Variants in COPG2 observed in about 807,000 individuals in gnomAD.
COPG2 encodes coat protein complex I subunit gamma 2, also known as coatomer subunit gamma-2.
COPG2 carries 37 observed loss-of-function variants against 46.3 expected under a neutral mutation model. That is an observed-to-expected ratio of 0.80 (90% confidence interval 0.61 to 1.05). COPG2 has a LOEUF of 1.05. Among genes scored for constraint, COPG2 ranks in the 50% least tolerant of loss-of-function variants. COPG2 has a pLI of 0.00. For missense variants in COPG2, 427 were observed against 387.8 expected (o/e 1.10, Z -0.85); for synonymous variants, 159 against 129.7 (o/e 1.23, Z -1.53).
intron 9 of COPG2, among the ~76,000 whole-genome samples, chr7:130,591,841 C>G (rs1317073390): frequency 6.6e-6 from 1 of 151,794 alleles, no homozygotes; most frequent in Non-Finnish European, 1.5e-5. Flanking sequence ...CTCTGTCCGG[C>G]CACCCCTACT....
intron 3 of COPG2, among the ~76,000 whole-genome samples, chr7:130,663,907 T>C (rs1796026808): frequency 6.6e-6 from 1 of 151,800 alleles, no homozygotes. Flanking sequence ...CCCAACTAAT[T>C]TTTTGTTATC....
intron 20 of COPG2, among the ~76,000 whole-genome samples, chr7:130,538,854 T>C (rs1799909492): frequency 6.6e-6 from 1 of 152,042 alleles, no homozygotes; most frequent in African/African-American, 2.4e-5. Context: ...ACTGAAAATA[T>C]GCACTACACC....
chr7:130,571,034 T>C (rs1793887738), intron 9 of COPG2, among the ~76,000 whole-genome samples: 1 of 152,200 alleles, frequency 6.6e-6, no homozygotes, highest in African/African-American at 2.4e-5. Flanking sequence ...TCTCTCACCT[T>C]ATATAAAAAT....
At chr7:130,663,762 G>A (rs1483966801) in intron 3 of COPG2, among the ~76,000 whole-genome samples, 22 of 131,720 alleles carry the variant, frequency 1.7e-4, no homozygotes, top group African/African-American at 4.2e-4. Flanking sequence ...TTTTTGAGAC[G>A]GAGTCTCACC....
chr7:130,591,646 G>A (rs1295420658), intron 9 of COPG2, among the ~76,000 whole-genome samples: 1 of 147,480 alleles, frequency 6.8e-6, no homozygotes, highest in Non-Finnish European at 1.5e-5. Context: ...TCCGGTTGGT[G>A]AGGGGCGCCT....
chr7:130,626,400 ATT>A (rs60484682), intron 5 of COPG2, among the ~76,000 whole-genome samples: 46,672 of 120,288 alleles, frequency 0.39, 8,800 homozygotes, highest in East Asian at 0.54. Context: ...CACCAGGCTA[ATT>A]TTTTTTTTTT....
At chr7:130,668,319 G>A (rs1198446883) in intron 1 of COPG2, among the ~76,000 whole-genome samples, 1 of 151,380 alleles carries the variant, frequency 6.6e-6, no homozygotes, top group Non-Finnish European at 1.5e-5. Context: ...GCACGCCCTC[G>A]GCCCCCGCCG....
chr7:130,597,085 A>C (rs1554449791), intron 9 of COPG2, among the ~76,000 whole-genome samples: 1 of 152,158 alleles, frequency 6.6e-6, no homozygotes, highest in East Asian at 1.9e-4. Context: ...ACAGCCCTTT[A>C]GGGGAACCAA....
intron 20 of COPG2, among the ~76,000 whole-genome samples, chr7:130,528,044 A>C (rs1799790313): frequency 1.3e-5 from 2 of 152,094 alleles, no homozygotes; most frequent in Admixed American, 6.5e-5. Context: ...GTGGAAGAAG[A>C]GCGTCTTGAA....
intron 9 of COPG2, among the ~76,000 whole-genome samples, chr7:130,607,240 CATAAATAA>C (rs5887469): frequency 0.2 from 28,662 of 145,804 alleles, 2,902 homozygotes; most frequent in Middle Eastern, 0.25. Flanking sequence ...GAGAGACTGT[CATAAATAA>C]ATAAATAAAT....
chr7:130,604,605 C>T, intron 9 of COPG2: 1 of 365,636 alleles, frequency 2.7e-6, no homozygotes, highest in South Asian at 2.4e-5. Flanking sequence ...ATATATATAG[C>T]CATATTATCT....
intron 20 of COPG2, among the ~76,000 whole-genome samples, chr7:130,530,594 G>T (rs1799814542): frequency 6.6e-6 from 1 of 152,224 alleles, no homozygotes; most frequent in African/African-American, 2.4e-5. Context: ...TGAGCCCGAT[G>T]AAGCAATAGG....
At chr7:130,587,236 G>A (rs782705783) in intron 9 of COPG2, among the ~76,000 whole-genome samples, 10 of 152,000 alleles carry the variant, frequency 6.6e-5, no homozygotes, top group Admixed American at 3.3e-4. Context: ...GAACACAGAA[G>A]GTGGACGCTA....
At chr7:130,652,140 T>G (rs1554459222) in intron 5 of COPG2, among the ~76,000 whole-genome samples, 1 of 152,256 alleles carries the variant, frequency 6.6e-6, no homozygotes, top group African/African-American at 2.4e-5. Context: ...TGTTTGTCCT[T>G]TTTTCTACTG....
chr7:130,514,294 T>C (rs1416370950), intron 20 of COPG2, among the ~76,000 whole-genome samples: 2 of 152,152 alleles, frequency 1.3e-5, no homozygotes, highest in African/African-American at 2.4e-5. Context: ...ATGACTAATA[T>C]TGGAAGAGGA....
intron 9 of COPG2, among the ~76,000 whole-genome samples, chr7:130,565,776 G>C (rs1299364940): frequency 6.6e-6 from 1 of 151,814 alleles, no homozygotes; most frequent in African/African-American, 2.4e-5. Context: ...AGAAATTCTA[G>C]ATTTGCAAAG....
intron 1 of COPG2, 95 bp downstream of exon 1, chr7:130,668,537 A>G: frequency 4.2e-6 from 5 of 1,182,990 alleles, no homozygotes; most frequent in Non-Finnish European, 5.6e-6. Context: ...GGCGGCGCCC[A>G]CGCCCCCAGC....
rs1027246895 is a variant in COPG2, at chr7:130,506,790, G to T, written c.2502C>A (p.Gly834=). 1.3e-6 allele frequency: 1 copy of T among 779,326 alleles called. No homozygotes were observed. Among genetic ancestry groups the T allele is most frequent in the Non-Finnish European group, 2.4e-6 (1 of 417,310 alleles). The allele number at this position is 779,326 out of a possible 1,614,324, so 48.3% of individuals were successfully genotyped here. ...GCCTGGACCTCACCAATAAATCATA[G>T]CCACCTCTGAATATACCTGAGAGAA... ...SLYLAGIFRG[G]YDLLVRSRLA... The change falls in exon 24 of 24, where the codon GGC becomes GGA. Residue 834 remains glycine (G), a synonymous_variant. Coordinates refer to ENST00000425248, the MANE Select transcript of COPG2 (RefSeq NM_012133.6).
intron 20 of COPG2, among the ~76,000 whole-genome samples, chr7:130,543,522 C>T (rs1378300732): frequency 6.6e-6 from 1 of 152,146 alleles, no homozygotes; most frequent in East Asian, 1.9e-4. Flanking sequence ...GAAGGATGAG[C>T]TTCATCAGCA....
Sources: gnomAD v4.1 joint callset for allele counts (sites outside exome capture counted in the v4.1 genomes callset) on GRCh38, gnomAD v4.1.1 for gene constraint, MANE v1.5 for transcripts, NCBI Gene and HGNC (gene_info 2026-07-23, HGNC 2026-07-21) for gene names.